Variants in CELF2 observed in about 807,000 individuals in gnomAD.
The protein encoded by CELF2 is CUG triplet repeat RNA-binding protein 2.
A neutral mutation model predicts 62.6 loss-of-function variants in CELF2; 8 were observed. That is an observed-to-expected ratio of 0.13 (90% CI 0.07 to 0.23). The LOEUF is 0.23. Ranked by LOEUF, CELF2 falls within the 10% of genes least tolerant of loss-of-function variation. The probability of loss-of-function intolerance (pLI) is 1.00; values close to 1 mark genes in which losing one functional copy is unlikely to be tolerated. For missense variants in CELF2, 333 were observed against 671.0 expected (o/e 0.50, Z 5.56); for synonymous variants, 258 against 250.0 (o/e 1.03, Z -0.30).
intron 2 of CELF2, among the ~76,000 whole-genome samples, chr10:10,967,502 G>A (rs1320633050): frequency 6.6e-6 from 1 of 152,200 alleles, no homozygotes; most frequent in Non-Finnish European, 1.5e-5. Flanking sequence ...TCATTCGGGG[G>A]AAATGCCTGT....
the CELF2 span, among the ~76,000 whole-genome samples, chr10:10,594,909 C>G: frequency 1.3e-5 from 2 of 152,186 alleles, no homozygotes; most frequent in Admixed American, 6.5e-5. Context: ...TCTGGGGTCA[C>G]TAGAAGAATT....
chr10:10,951,328 G>T (rs1032606866), intron 2 of CELF2, among the ~76,000 whole-genome samples: 4 of 152,082 alleles, frequency 2.6e-5, no homozygotes, highest in African/African-American at 7.2e-5. Flanking sequence ...TAGAGACAGG[G>T]TTCTTGCCAC....
At chr10:10,696,268 G>A in the CELF2 span, among the ~76,000 whole-genome samples, 1 of 151,944 alleles carries the variant, frequency 6.6e-6, no homozygotes, top group African/African-American at 2.4e-5. Context: ...TGCCGTGTGA[G>A]GTGTCAGTGT....
chr10:10,551,663 A>C, the CELF2 span, among the ~76,000 whole-genome samples: 1 of 152,162 alleles, frequency 6.6e-6, no homozygotes, highest in Non-Finnish European at 1.5e-5. Context: ...GCGCATGCCC[A>C]CTAAGGCCTT....
At chr10:10,577,240 G>T in the CELF2 span, among the ~76,000 whole-genome samples, 2 of 152,186 alleles carry the variant, frequency 1.3e-5, no homozygotes, top group African/African-American at 4.8e-5. Context: ...TGGGTTATTT[G>T]TTCCTTAGTA....
At position 11,328,951 on chromosome 10, in the gene CELF2, C is replaced by G; in HGVS notation, c.1464C>G (p.Val488=). The G allele has an allele frequency of 6.2e-7, 1 of 1,612,860 alleles. No individual in the cohort carries two copies. Among genetic ancestry groups the G allele is most frequent in the Non-Finnish European group, 8.5e-7 (1 of 1,179,108 alleles). Residue 488 remains valine, a synonymous_variant, in exon 13 of 13, where the codon GTC becomes GTG. Transcript: ENST00000633077. This position sits in a 1 kb window ranked among gnomAD's most constrained non-coding sequence, Gnocchi z 6.4. ...CFGFVSYDNP[V]SAQAAIQAMN... is the part of the protein sequence containing the mutation. ...GTTTTGTTAGCTACGACAATCCAGT[C>G]TCTGCACAAGCTGCTATCCAAGCTA...
chr10:10,523,104 C>T, the CELF2 span, among the ~76,000 whole-genome samples: 1 of 152,306 alleles, frequency 6.6e-6, no homozygotes, highest in East Asian at 1.9e-4. Flanking sequence ...GTGTCTACCT[C>T]TGGAGAGATG....
chr10:10,672,494 T>A, the CELF2 span, among the ~76,000 whole-genome samples: 3 of 151,912 alleles, frequency 2.0e-5, no homozygotes, highest in African/African-American at 7.2e-5. Flanking sequence ...CATTCCTTTT[T>A]TTTTTTTTTT....
intron 8 of CELF2, among the ~76,000 whole-genome samples, chr10:11,277,868 C>A (rs1227525935): frequency 6.6e-6 from 1 of 152,112 alleles, no homozygotes; most frequent in Non-Finnish European, 1.5e-5. Context: ...GGCACATAAA[C>A]AATTCACATG....
intron 1 of CELF2, among the ~76,000 whole-genome samples, chr10:11,105,736 G>C (rs150595510): frequency 4.3e-4 from 65 of 152,302 alleles, no homozygotes; most frequent in African/African-American, 1.5e-3. Flanking sequence ...CTGCTCCTCA[G>C]ACACCTTCAC....
chr10:10,615,030 G>A, the CELF2 span, among the ~76,000 whole-genome samples: 3 of 151,972 alleles, frequency 2.0e-5, no homozygotes, highest in Non-Finnish European at 2.9e-5. Context: ...CAGTTTGGTC[G>A]GTCTGGCTCC....
At chr10:11,089,310 C>G (rs557115701) in intron 1 of CELF2, among the ~76,000 whole-genome samples, 48 of 152,238 alleles carry the variant, frequency 3.2e-4, no homozygotes, top group African/African-American at 1.1e-3. Flanking sequence ...TTAACACTTG[C>G]TGAGTTTGAG....
chr10:10,518,083 T>A, the CELF2 span, among the ~76,000 whole-genome samples: 6 of 152,196 alleles, frequency 3.9e-5, no homozygotes, highest in Non-Finnish European at 8.8e-5. Context: ...GGCTTAGCAT[T>A]TCCTGCATGG....
the CELF2 span, among the ~76,000 whole-genome samples, chr10:10,503,609 T>C: frequency 6.6e-6 from 1 of 151,964 alleles, no homozygotes; most frequent in Non-Finnish European, 1.5e-5. Context: ...TACCATTATG[T>C]TTTAAGTGAT....
intron 1 of CELF2, among the ~76,000 whole-genome samples, chr10:10,914,211 T>C (rs1317312052): frequency 6.6e-6 from 1 of 152,130 alleles, no homozygotes; most frequent in Non-Finnish European, 1.5e-5. Flanking sequence ...GTCTTAAAAA[T>C]ATTTATCTTG....
At chr10:11,179,940 T>G (rs1415821393) in intron 2 of CELF2, among the ~76,000 whole-genome samples, 1 of 152,074 alleles carries the variant, frequency 6.6e-6, no homozygotes, top group African/African-American at 2.4e-5. Flanking sequence ...CTCAAAATAG[T>G]CCTAAACCAA....
At chr10:11,204,531 A>G (rs2059985798) in intron 2 of CELF2, among the ~76,000 whole-genome samples, 1 of 152,256 alleles carries the variant, frequency 6.6e-6, no homozygotes, top group South Asian at 2.1e-4. Context: ...GCCTGGCACC[A>G]CGCCATGCCT....
chr10:10,582,186 T>C, the CELF2 span, among the ~76,000 whole-genome samples: 2 of 152,234 alleles, frequency 1.3e-5, no homozygotes, highest in East Asian at 1.9e-4. Flanking sequence ...AATTTTCCTG[T>C]ATACTGGCCC....
chr10:10,750,125 T>C, the CELF2 span, among the ~76,000 whole-genome samples: 1 of 151,990 alleles, frequency 6.6e-6, no homozygotes, highest in South Asian at 2.1e-4. Context: ...CTACTAAAAA[T>C]ACAAAAATTA....
Sources: gnomAD v4.1 joint callset for allele counts (sites outside exome capture counted in the v4.1 genomes callset) on GRCh38, gnomAD v4.1.1 for gene constraint, Gnocchi (gnomAD v3.1) non-coding constraint, MANE v1.5 for transcripts, NCBI Gene and HGNC (gene_info 2026-07-23, HGNC 2026-07-21) for gene names.